The following SLC4A10 variants were observed in gnomAD, a reference collection of about 807,000 sequenced individuals.
The protein encoded by SLC4A10 is solute carrier family 4 member 10.
Under a neutral mutation model 137.7 loss-of-function variants are expected in SLC4A10, and 42 were observed. That is an observed-to-expected ratio of 0.30 (90% CI 0.24 to 0.39). SLC4A10 has a LOEUF of 0.39. Ranked by LOEUF, SLC4A10 falls within the 10% of genes least tolerant of loss-of-function variation. SLC4A10 has a pLI of 1.00. For synonymous variants in SLC4A10, 474 were observed against 464.1 expected (o/e 1.02, Z -0.27); for missense variants, 925 against 1,355.0 (o/e 0.68, Z 4.98).
intron 1 of SLC4A10, among the ~76,000 whole-genome samples, chr2:161,687,728 G>A (rs551476111): frequency 3.9e-5 from 6 of 152,200 alleles, no homozygotes; most frequent in Admixed American, 3.3e-4. Context: ...AATCAGGGGG[G>A]CAATTTCCCC....
At chr2:161,815,997 T>G (rs997863781) in intron 3 of SLC4A10, among the ~76,000 whole-genome samples, 1 of 152,160 alleles carries the variant, frequency 6.6e-6, no homozygotes, top group Non-Finnish European at 1.5e-5. Context: ...ATTTTCTAGA[T>G]TTCACTTTTT....
At chr2:161,772,790 A>C (rs2051809551) in intron 2 of SLC4A10, among the ~76,000 whole-genome samples, 1 of 151,950 alleles carries the variant, frequency 6.6e-6, no homozygotes, top group African/African-American at 2.4e-5. Context: ...TGTGTTACAC[A>C]CAGCCCATAC....
chr2:161,790,956 G>C (rs184884508), intron 2 of SLC4A10, among the ~76,000 whole-genome samples: 1 of 152,064 alleles, frequency 6.6e-6, no homozygotes, highest in Non-Finnish European at 1.5e-5. Flanking sequence ...TTATTAAAAC[G>C]TCAAGAAACA....
intron 4 of SLC4A10, among the ~76,000 whole-genome samples, chr2:161,846,455 C>T (rs2059502662): frequency 6.6e-6 from 1 of 152,070 alleles, no homozygotes; most frequent in Admixed American, 6.6e-5. Context: ...CTATATGATC[C>T]AGCAATTGGA....
intron 16 of SLC4A10, among the ~76,000 whole-genome samples, chr2:161,945,566 T>C (rs1244104876): frequency 6.6e-6 from 1 of 151,518 alleles, no homozygotes; most frequent in East Asian, 1.9e-4. Context: ...TTTTCATTTC[T>C]AAATTTCAGG....
intron 11 of SLC4A10, among the ~76,000 whole-genome samples, chr2:161,895,236 T>A (rs903351154): frequency 1.3e-5 from 2 of 152,000 alleles, no homozygotes; most frequent in Non-Finnish European, 2.9e-5. Context: ...CTACAAAGGA[T>A]GTGAACTCAT....
At chr2:161,835,500 C>A (rs1235798837) in intron 3 of SLC4A10, among the ~76,000 whole-genome samples, 1 of 152,192 alleles carries the variant, frequency 6.6e-6, no homozygotes, top group African/African-American at 2.4e-5. Flanking sequence ...ACTCCAAAAT[C>A]TACACTTGGC....
chr2:161,679,686 CGTGTGTGT>C (rs67726464), intron 1 of SLC4A10, among the ~76,000 whole-genome samples: 27 of 136,738 alleles, frequency 2.0e-4, no homozygotes, highest in Admixed American at 5.1e-4. Flanking sequence ...TGTAGGTCAA[CGTGTGTGT>C]GTGTGTGTGT....
At chr2:161,671,303 G>C (rs2039692770) in intron 1 of SLC4A10, among the ~76,000 whole-genome samples, 1 of 152,092 alleles carries the variant, frequency 6.6e-6, no homozygotes, top group South Asian at 2.1e-4. Flanking sequence ...AGGATGGGCT[G>C]TCAGCAGACA....
chr2:161,639,614 A>G (rs2034986426), intron 1 of SLC4A10, among the ~76,000 whole-genome samples: 1 of 152,178 alleles, frequency 6.6e-6, no homozygotes, highest in Non-Finnish European at 1.5e-5. Context: ...TAGAGAAGGA[A>G]CATACCTTAA....
rs1433293440 is a variant in SLC4A10, at chr2:161,692,472, T to A, written c.48+67906T>A. Among the ~76,000 whole-genome samples the A allele has an allele frequency of 2.6e-5, 4 of 152,212 alleles. No homozygotes were observed. The East Asian group carries it at 7.7e-4, about 29-fold the overall frequency. ...GTATTTGAATATAAGGTAGTTAGTG[T>A]TCCTTGAGAGAATTGAACTTTTAAG... On this transcript the variant is annotated intron_variant, in intron 1 of 26. Coordinates refer to ENST00000446997, the MANE Select transcript of SLC4A10 (RefSeq NM_001178015.2).
intron 1 of SLC4A10, among the ~76,000 whole-genome samples, chr2:161,678,503 G>T (rs926911894): frequency 1.3e-5 from 2 of 152,062 alleles, no homozygotes; most frequent in African/African-American, 4.8e-5. Flanking sequence ...ACAATAAGTC[G>T]CATTAATCTT....
chr2:161,676,035 A>AG (rs2040241887), intron 1 of SLC4A10, among the ~76,000 whole-genome samples: 1 of 152,214 alleles, frequency 6.6e-6, no homozygotes, highest in South Asian at 2.1e-4. Flanking sequence ...TTGCTACACT[A>AG]GAACCTCAGG....
chr2:161,807,271 A>G (rs961081321), intron 3 of SLC4A10, among the ~76,000 whole-genome samples: 1 of 152,116 alleles, frequency 6.6e-6, no homozygotes, highest in African/African-American at 2.4e-5. Flanking sequence ...ACCTTTTACT[A>G]TTGTGAATGC....
intron 1 of SLC4A10, among the ~76,000 whole-genome samples, chr2:161,671,412 A>G (rs1199270094): frequency 1.3e-5 from 2 of 152,184 alleles, no homozygotes; most frequent in Non-Finnish European, 2.9e-5. Context: ...TGTTATAGCA[A>G]CACTAATAGA....
At chr2:161,626,768 G>T (rs776453163) in intron 1 of SLC4A10, among the ~76,000 whole-genome samples, 1 of 152,066 alleles carries the variant, frequency 6.6e-6, no homozygotes, top group Non-Finnish European at 1.5e-5. Flanking sequence ...TAGAATTTAG[G>T]TCATCTAAAA....
chr2:161,710,095 AAC>A (rs1302406561), intron 1 of SLC4A10, among the ~76,000 whole-genome samples: 2 of 151,668 alleles, frequency 1.3e-5, no homozygotes, highest in East Asian at 3.9e-4. Flanking sequence ...TTTAATTAAA[AAC>A]ACATTCTGCC....
At chr2:161,970,719 A>C (rs1698376915) in intron 23 of SLC4A10, among the ~76,000 whole-genome samples, 1 of 152,256 alleles carries the variant, frequency 6.6e-6, no homozygotes, top group Non-Finnish European at 1.5e-5. Context: ...ATTTCACTAA[A>C]GGTAATTAAA....
intron 15 of SLC4A10, among the ~76,000 whole-genome samples, chr2:161,913,310 GTAGTT>G (rs773898999): frequency 6.6e-5 from 10 of 152,062 alleles, no homozygotes; most frequent in Non-Finnish European, 1.3e-4. Flanking sequence ...TTGAAAAGCA[GTAGTT>G]TAAAGAGTTT....
Sources: gnomAD v4.1 joint callset for allele counts (sites outside exome capture counted in the v4.1 genomes callset) on GRCh38, gnomAD v4.1.1 for gene constraint, MANE v1.5 for transcripts, NCBI Gene and HGNC (gene_info 2026-07-23, HGNC 2026-07-21) for gene names.